NAT2: variants seen among roughly 807,000 people sequenced by gnomAD.
NAT2 encodes arylamine N-acetyltransferase 2.
For missense variants in NAT2, 428 were observed against 339.1 expected, an observed-to-expected ratio of 1.26 and a Z score of -2.06; for synonymous variants, 137 against 125.9, an observed-to-expected ratio of 1.09 and a Z score of -0.59.
rs774002627 is a variant in NAT2, at chr8:18,400,583, C to G, written c.580C>G (p.Leu194Val). ...ACACCAAAAAATATACTTATTTACG[C>G]TTGAACCTCGAACAATTGAAGATTT... is the stretch of plus-strand genomic sequence containing the variant. Reference protein sequence around the residue: ...KKHQKIYLFTLEPRTIEDFES... With the variant: ...KKHQKIYLFTVEPRTIEDFES... The change falls in exon 2 of 2, where the codon CTT (leucine) becomes GTT (valine). Residue 194 changes from leucine to valine, a missense_variant. Leu to Val is a conservative substitution (Grantham distance 32). Transcript: ENST00000286479. The G allele has an allele frequency of 2.7e-5, 43 of 1,613,002 alleles. No homozygotes were observed. The Admixed American group carries it at 7.0e-4, about 26-fold the overall frequency.
intron 1 of NAT2, among the ~76,000 whole-genome samples, chr8:18,391,612 G>A (rs1404010178): frequency 6.6e-6 from 1 of 152,060 alleles, no homozygotes; most frequent in Non-Finnish European, 1.5e-5. Flanking sequence ...ACTGTTTGTG[G>A]GAATAAGATA....
chr8:18,395,200 A>C (rs971245425), intron 1 of NAT2, among the ~76,000 whole-genome samples: 2 of 152,100 alleles, frequency 1.3e-5, no homozygotes, highest in African/African-American at 2.4e-5. Flanking sequence ...CACAATCTCC[A>C]AAGTTATCAT....
At chr8:18,398,217 C>T (rs1800725069) in intron 1 of NAT2, among the ~76,000 whole-genome samples, 1 of 152,148 alleles carries the variant, frequency 6.6e-6, no homozygotes, top group Admixed American at 6.5e-5. Context: ...AACCTAATGC[C>T]AATGGACTGG....
rs1755602331 is a variant in NAT2, at chr8:18,400,816, T to G, written c.813T>G (p.Phe271Leu). ...TTGAAGAAGTGCTGAGAAATATATT[T>G]AAGATTTCCTTGGGGAGAAATCTCG... ...EEVEEVLRNIFKISLGRNLVP... is the reference protein window; with the variant it reads ...EEVEEVLRNILKISLGRNLVP... Residue 271 changes from phenylalanine (F) to leucine (L), a missense_variant, in exon 2 of 2, where the codon TTT (phenylalanine) becomes TTG (leucine). Coordinates refer to ENST00000286479, the MANE Select transcript of NAT2 (RefSeq NM_000015.3). 6.2e-7 allele frequency: 1 copy of G among 1,609,910 alleles called. No homozygotes were observed. Among genetic ancestry groups the G allele is most frequent in the Admixed American group, 1.7e-5 (1 of 59,148 alleles).
chr8:18,391,962 C>G (rs573919659), intron 1 of NAT2, among the ~76,000 whole-genome samples: 1 of 152,348 alleles, frequency 6.6e-6, no homozygotes, highest in Non-Finnish European at 1.5e-5. Flanking sequence ...TTAGACAAAA[C>G]TTAACTCTTC....
chr8:18,400,770 A>G lies in NAT2; in HGVS notation c.767A>G (p.Lys256Arg). 6.2e-7 allele frequency: 1 copy of G among 1,613,494 alleles called. No individual in the cohort carries two copies. The highest frequency in any genetic ancestry group is 1.3e-5 in the African/African-American group (1 of 75,012). The change falls in exon 2 of 2, where the codon AAA (lysine) becomes AGA (arginine). Residue 256 changes from lysine to arginine, a missense_variant. Physicochemically the swap from Lys to Arg is conservative, Grantham distance 26 (BLOSUM62 2). Transcript: ENST00000286479. ...GACAATACAGATCTGGTCGAGTTTA[A>G]AACTCTCACTGAGGAAGAGGTTGAA... ...YKDNTDLVEF[K>R]TLTEEEVEEV...
At chr8:18,389,986 T>C (rs907694025), upstream of NAT2, among the ~76,000 whole-genome samples, 2 of 152,178 alleles carry the variant, frequency 1.3e-5, no homozygotes, top group African/African-American at 4.8e-5. Flanking sequence ...AGGTGCATTG[T>C]TGGCAGGCTG....
chr8:18,388,737 A>T (rs954683643), upstream of NAT2, among the ~76,000 whole-genome samples: 1 of 152,188 alleles, frequency 6.6e-6, no homozygotes, highest in African/African-American at 2.4e-5. Flanking sequence ...CACAAACAAC[A>T]TGCTTTCTAC....
chr8:18,388,521 A>AAAT (rs1800542331), upstream of NAT2, among the ~76,000 whole-genome samples: 2 of 151,482 alleles, frequency 1.3e-5, no homozygotes, highest in Non-Finnish European at 1.5e-5. Context: ...AAAAAAAAAA[A>AAAT]AAAAATTAGC....
At chr8:18,392,268 A>T (rs1800603458) in intron 1 of NAT2, among the ~76,000 whole-genome samples, 1 of 152,234 alleles carries the variant, frequency 6.6e-6, no homozygotes, top group Non-Finnish European at 1.5e-5. Context: ...GTAGTGAGTC[A>T]CATGATCACA....
chr8:18,388,427 A>G (rs2117608158), upstream of NAT2, among the ~76,000 whole-genome samples: 1 of 141,580 alleles, frequency 7.1e-6, no homozygotes, highest in East Asian at 2.2e-4. Context: ...TGATGAGAAG[A>G]TGGGAGGGAT....
chr8:18,397,638 T>C (rs1039849432), intron 1 of NAT2, among the ~76,000 whole-genome samples: 2 of 152,234 alleles, frequency 1.3e-5, no homozygotes, highest in Non-Finnish European at 2.9e-5. Flanking sequence ...AAAACCACAA[T>C]ACAAAACCAA....
upstream of NAT2, chr8:18,387,416 C>T (rs1800522077): frequency 6.5e-6 from 1 of 153,264 alleles, no homozygotes; most frequent in Non-Finnish European, 1.5e-5. Flanking sequence ...TGGTCCCGGC[C>T]CCGGAGTTCA....
chr8:18,387,455 T>A (rs980874625), upstream of NAT2: 1 of 153,776 alleles, frequency 6.5e-6, no homozygotes, highest in African/African-American at 2.4e-5. Context: ...CCCTTTCCGC[T>A]GCGCGAGGCT....
intron 1 of NAT2, among the ~76,000 whole-genome samples, chr8:18,392,554 G>A (rs1377197543): frequency 2.0e-5 from 3 of 152,156 alleles, no homozygotes; most frequent in Non-Finnish European, 4.4e-5. Flanking sequence ...ATTAGATGGT[G>A]CCCACCCGGA....
upstream of NAT2, among the ~76,000 whole-genome samples, chr8:18,388,711 T>C (rs7825609): frequency 0.027 from 4,076 of 152,278 alleles, 73 homozygotes; most frequent in African/African-American, 0.054. Context: ...CTAACTCTAA[T>C]GCTTTTCTTT....
upstream of NAT2, among the ~76,000 whole-genome samples, chr8:18,390,246 T>C (rs767342381): frequency 2.2e-4 from 33 of 152,168 alleles, no homozygotes; most frequent in Non-Finnish European, 3.7e-4. Context: ...ACTGGAACAG[T>C]AGGTGCTAAA....
chr8:18,398,161 G>A (rs999831586), intron 1 of NAT2, among the ~76,000 whole-genome samples: 11 of 152,152 alleles, frequency 7.2e-5, no homozygotes, highest in African/African-American at 2.4e-4. Flanking sequence ...GCTTAGGTGC[G>A]ACAAGGTATG....
upstream of NAT2, among the ~76,000 whole-genome samples, chr8:18,388,342 G>C (rs1800537774): frequency 6.6e-6 from 1 of 152,060 alleles, no homozygotes; most frequent in Non-Finnish European, 1.5e-5. Flanking sequence ...CTCTTTTCAG[G>C]ACAGCACTTT....
Sources: gnomAD v4.1 joint callset for allele counts (sites outside exome capture counted in the v4.1 genomes callset) on GRCh38, gnomAD v4.1.1 for gene constraint, MANE v1.5 for transcripts, NCBI Gene and HGNC (gene_info 2026-07-23, HGNC 2026-07-21) for gene names.